The following MDGA2 variants were observed in gnomAD, a reference collection of about 807,000 sequenced individuals.
MDGA2 encodes MAM domain-containing glycosylphosphatidylinositol anchor protein 2.
Under a neutral mutation model 117.8 loss-of-function variants are expected in MDGA2, and 40 were observed. The observed-to-expected ratio is 0.34, with a 90% CI of 0.26 to 0.44. The LOEUF (loss-of-function observed/expected upper bound fraction) is 0.44, where lower values mean the gene tolerates loss of function less well. Among genes scored for constraint, MDGA2 ranks in the 20% least tolerant of loss-of-function variants. MDGA2 has a pLI of 1.00. For missense variants in MDGA2, 1,123 were observed against 1,250.6 expected, an observed-to-expected ratio of 0.90 and a Z score of 1.54; for synonymous variants, 452 against 439.0, an observed-to-expected ratio of 1.03 and a Z score of -0.37.
chr14:47,021,044 A>T (rs1023925708), intron 8 of MDGA2, among the ~76,000 whole-genome samples: 4 of 152,188 alleles, frequency 2.6e-5, no homozygotes, highest in African/African-American at 9.6e-5. Context: ...TTCTTTACAG[A>T]TAAGCTGCAA....
At chr14:47,167,968 A>G (rs1470881022) in intron 3 of MDGA2, among the ~76,000 whole-genome samples, 2 of 152,034 alleles carry the variant, frequency 1.3e-5, no homozygotes, top group East Asian at 3.9e-4. Flanking sequence ...AAAATGTACA[A>G]CTCCATTGCA....
intron 1 of MDGA2, among the ~76,000 whole-genome samples, chr14:47,346,028 G>A (rs1261187884): frequency 4.6e-5 from 7 of 151,978 alleles, no homozygotes; most frequent in Admixed American, 1.3e-4. Context: ...CTGTTCCACC[G>A]TAAAATGACT....
chr14:46,921,772 G>A (rs1884141570), intron 9 of MDGA2, among the ~76,000 whole-genome samples: 1 of 152,176 alleles, frequency 6.6e-6, no homozygotes, highest in Non-Finnish European at 1.5e-5. Context: ...AGTAGTAGCT[G>A]AGTTAGACAG....
At chr14:47,345,275 A>G (rs1258559934) in intron 1 of MDGA2, among the ~76,000 whole-genome samples, 1 of 152,136 alleles carries the variant, frequency 6.6e-6, no homozygotes, top group African/African-American at 2.4e-5. Context: ...CCAACCGGAA[A>G]CAAAGATGGT....
At chr14:47,001,834 T>C (rs1445337828) in intron 8 of MDGA2, among the ~76,000 whole-genome samples, 1 of 152,024 alleles carries the variant, frequency 6.6e-6, no homozygotes, top group Non-Finnish European at 1.5e-5. Context: ...GGAGAAGTAT[T>C]GGTAGCAGCA....
chr14:47,310,242 A>G (rs1889592161), intron 1 of MDGA2, among the ~76,000 whole-genome samples: 1 of 152,132 alleles, frequency 6.6e-6, no homozygotes. Context: ...TGAAAAAAAA[A>G]GTTACACTGA....
At chr14:47,298,063 T>A (rs1044595827) in intron 2 of MDGA2, among the ~76,000 whole-genome samples, 1 of 152,148 alleles carries the variant, frequency 6.6e-6, no homozygotes, top group Non-Finnish European at 1.5e-5. Flanking sequence ...ATCCATAATA[T>A]AAATTTAACT....
chr14:47,147,823 T>C (rs536286293), intron 3 of MDGA2, among the ~76,000 whole-genome samples: 1 of 152,260 alleles, frequency 6.6e-6, no homozygotes, highest in Admixed American at 6.5e-5. Context: ...ATATCCATCA[T>C]CTCCTTCTAC....
chr14:47,224,523 G>A (rs1159398274), intron 2 of MDGA2, among the ~76,000 whole-genome samples: 1 of 152,134 alleles, frequency 6.6e-6, no homozygotes, highest in Non-Finnish European at 1.5e-5. Flanking sequence ...TTAATGTCTA[G>A]TGAATGAGGA....
chr14:47,419,449 T>C (rs1338300040), intron 1 of MDGA2, among the ~76,000 whole-genome samples: 1 of 152,120 alleles, frequency 6.6e-6, no homozygotes, highest in Admixed American at 6.5e-5. Context: ...ATGTGTCAAG[T>C]AATCATGAGA....
intron 1 of MDGA2, among the ~76,000 whole-genome samples, chr14:47,351,675 T>C (rs1890884665): frequency 6.6e-6 from 1 of 152,176 alleles, no homozygotes; most frequent in African/African-American, 2.4e-5. Context: ...TATTCCATTA[T>C]AAGTTTCATG....
At chr14:47,389,365 T>C (rs1319088831) in intron 1 of MDGA2, among the ~76,000 whole-genome samples, 1 of 152,146 alleles carries the variant, frequency 6.6e-6, no homozygotes, top group Non-Finnish European at 1.5e-5. Flanking sequence ...AACTGACATA[T>C]AATGACTAAA....
chr14:47,037,319 CAATT>C (rs775660749), intron 7 of MDGA2, among the ~76,000 whole-genome samples: 7 of 152,066 alleles, frequency 4.6e-5, no homozygotes, highest in Non-Finnish European at 1.0e-4. Flanking sequence ...TTAAAATAAA[CAATT>C]AAGAACATTG....
intron 1 of MDGA2, among the ~76,000 whole-genome samples, chr14:47,562,741 A>T (rs1895840613): frequency 6.6e-6 from 1 of 151,416 alleles, no homozygotes; most frequent in African/African-American, 2.4e-5. Flanking sequence ...TTCAACTTTG[A>T]TTTTGGTTGT....
intron 4 of MDGA2, among the ~76,000 whole-genome samples, chr14:47,138,569 A>G (rs1269067018): frequency 6.6e-6 from 1 of 152,146 alleles, no homozygotes; most frequent in Non-Finnish European, 1.5e-5. Context: ...TTAACAAAAG[A>G]AATAAAAGGA....
chr14:47,419,797 G>A (rs1289663353), intron 1 of MDGA2, among the ~76,000 whole-genome samples: 2 of 151,884 alleles, frequency 1.3e-5, no homozygotes, highest in Non-Finnish European at 2.9e-5. Context: ...ATTCAATGGG[G>A]GATAAAATAT....
At chr14:47,421,518 A>C (rs1892579069) in intron 1 of MDGA2, among the ~76,000 whole-genome samples, 1 of 152,150 alleles carries the variant, frequency 6.6e-6, no homozygotes, top group African/African-American at 2.4e-5. Context: ...CAAAAGCAAA[A>C]TCGTGCTGCA....
intron 3 of MDGA2, among the ~76,000 whole-genome samples, chr14:47,152,505 G>T (rs1883201158): frequency 6.6e-6 from 1 of 152,084 alleles, no homozygotes; most frequent in African/African-American, 2.4e-5. Flanking sequence ...TCAAGTTTCA[G>T]AGAAATGAAG....
intron 2 of MDGA2, among the ~76,000 whole-genome samples, chr14:47,264,437 C>A (rs1457723976): frequency 6.6e-6 from 1 of 152,088 alleles, no homozygotes; most frequent in Non-Finnish European, 1.5e-5. Context: ...TCTTCTATGG[C>A]ATTACTCAAA....
Sources: gnomAD v4.1 joint callset for allele counts (sites outside exome capture counted in the v4.1 genomes callset) on GRCh38, gnomAD v4.1.1 for gene constraint, MANE v1.5 for transcripts, NCBI Gene and HGNC (gene_info 2026-07-23, HGNC 2026-07-21) for gene names.